Variants in CATSPERD observed in about 807,000 individuals in gnomAD.
CATSPERD encodes the protein catsper channel auxiliary subunit delta.
Under a neutral mutation model 98.1 loss-of-function variants are expected in CATSPERD, and 86 were observed. The ratio of observed to expected loss-of-function variants is 0.88; its 90% CI spans 0.74 to 1.05. The LOEUF (loss-of-function observed/expected upper bound fraction) is 1.05. CATSPERD is among the 50% of genes least tolerant of loss of function. CATSPERD has a pLI of 0.00. For synonymous variants in CATSPERD, 394 were observed against 390.2 expected, an observed-to-expected ratio of 1.01 and a Z score of -0.12; for missense variants, 995 against 1,005.7, an observed-to-expected ratio of 0.99 and a Z score of 0.14.
intron 8 of CATSPERD, among the ~76,000 whole-genome samples, chr19:5,745,173 CCT>C (rs2056070137): frequency 6.6e-6 from 1 of 151,796 alleles, no homozygotes; most frequent in East Asian, 2.0e-4. Flanking sequence ...AAACTCCTGA[CCT>C]CAAGTAACCC....
chr19:5,734,362 A>C (rs1187310560), intron 5 of CATSPERD, among the ~76,000 whole-genome samples: 2 of 150,264 alleles, frequency 1.3e-5, no homozygotes, highest in Admixed American at 1.3e-4. Context: ...AATTAGGCTG[A>C]GTGCCGTGGC....
At position 5,724,204 on chromosome 19, in the gene CATSPERD, G is replaced by T. The variant is rs181741724; in HGVS notation, c.72-604G>T. On this transcript the variant is annotated intron_variant, in intron 1 of 21. Coordinates refer to ENST00000381624, the MANE Select transcript of CATSPERD (RefSeq NM_152784.4). ...ACCTCCCAAAGCGCTGGGATTACAG[G>T]TGTGAGCCACCGCACCTGGCTCTAA... is the stretch of plus-strand genomic sequence containing the variant. Among the ~76,000 whole-genome samples, 155 of 152,050 alleles carry T rather than the reference G, an allele frequency of 1.0e-3. 4 individuals are homozygous for T. In the South Asian group the frequency reaches 0.022, roughly 22 times the overall value.
chr19:5,736,459 G>A (rs1372186086), intron 5 of CATSPERD, among the ~76,000 whole-genome samples: 2 of 152,078 alleles, frequency 1.3e-5, no homozygotes, highest in African/African-American at 4.8e-5. Flanking sequence ...GCTCATGCCT[G>A]TAATCCCAGC....
At chr19:5,724,707 A>T in intron 1 of CATSPERD, 101 bp from the exon 2 acceptor site, 2 of 1,236,788 alleles carry the variant, frequency 1.6e-6, no homozygotes, top group Non-Finnish European at 2.4e-6. Flanking sequence ...CCCCCCAAAA[A>T]AGAACAGATA....
At chr19:5,742,278 A>G (rs1244754964) in intron 7 of CATSPERD, among the ~76,000 whole-genome samples, 13 of 133,654 alleles carry the variant, frequency 9.7e-5, no homozygotes, top group South Asian at 2.5e-4. Context: ...GCATGTGTGT[A>G]CGTGTGTGTG....
chr19:5,762,058 ATTTTTTT>A lies in CATSPERD; in HGVS notation c.1428-1140_1428-1134del, dbSNP rs869295948. Among the ~76,000 whole-genome samples the A allele has an allele frequency of 2.9e-4, 3 of 10,434 alleles. 1 individual carries two copies. The highest frequency in any genetic ancestry group is 0.016 in the South Asian group (2 of 128). 6.8% of individuals were successfully genotyped at this position (10,434 alleles called of 152,430 possible). A position where few individuals can be genotyped will look rare whatever the true frequency, so the allele number is the denominator to read the frequency against. Reference sequence around the variant, plus strand: ...TGGCCTGCCATATATATATATATATATTTTTTTTTTTTTTTTTTTTTTTGAGACACAG... The same window carrying A: ...TGGCCTGCCATATATATATATATATATTTTTTTTTTTTTTTTGAGACACAG... On this transcript the variant is annotated intron_variant, in intron 15 of 21. Transcript: ENST00000381624.
intron 17 of CATSPERD, among the ~76,000 whole-genome samples, chr19:5,767,944 G>T (rs183773186): frequency 6.6e-6 from 1 of 151,968 alleles, no homozygotes; most frequent in Admixed American, 6.6e-5. Flanking sequence ...TTAGAGGCGC[G>T]TGATGCCACG....
At chr19:5,737,450 C>A (rs1444614312) in intron 6 of CATSPERD, among the ~76,000 whole-genome samples, 1 of 149,188 alleles carries the variant, frequency 6.7e-6, no homozygotes, top group African/African-American at 2.5e-5. Context: ...TAGTCCCAGC[C>A]ACAGCAGGAG....
chr19:5,746,370 C>T (rs2056093822), intron 9 of CATSPERD, among the ~76,000 whole-genome samples: 1 of 152,132 alleles, frequency 6.6e-6, no homozygotes, highest in African/African-American at 2.4e-5. Flanking sequence ...GGAAAAACGC[C>T]AGTCAGACAA....
chr19:5,721,471 T>C (rs1281736696), intron 1 of CATSPERD, among the ~76,000 whole-genome samples: 5 of 152,070 alleles, frequency 3.3e-5, no homozygotes, highest in African/African-American at 9.7e-5. Flanking sequence ...GAAATTTCAG[T>C]AAATGTTAGG....
intron 12 of CATSPERD, among the ~76,000 whole-genome samples, chr19:5,753,293 G>T (rs1253910895): frequency 6.6e-6 from 1 of 151,990 alleles, no homozygotes; most frequent in Non-Finnish European, 1.5e-5. Context: ...GGGCGCGGTG[G>T]CTCACGCCTG....
chr19:5,733,892 G>A lies in CATSPERD; in HGVS notation c.313G>A (p.Gly105Ser), dbSNP rs1408382585. Residue 105 changes from glycine (G) to serine (S), a missense_variant, in exon 5 of 22, where the codon GGT (glycine) becomes AGT (serine). Coordinates refer to ENST00000381624, the MANE Select transcript of CATSPERD (RefSeq NM_152784.4). ...AGAAGTGACATCAGCACATTTTGCT[G>A]GTTCGTTATTGCTGTTAGTAGTGGA... Reference protein sequence around the residue: ...VPEVTSAHFAGSLLLLVVDQK... With the variant: ...VPEVTSAHFASSLLLLVVDQK... 6.2e-7 allele frequency: 1 copy of A among 1,612,806 alleles called. No homozygotes were observed. The highest frequency in any genetic ancestry group is 1.1e-5 in the South Asian group (1 of 90,752).
At chr19:5,775,499 A>G (rs62107456) in intron 20 of CATSPERD, among the ~76,000 whole-genome samples, 15 of 138,982 alleles carry the variant, frequency 1.1e-4, no homozygotes, top group African/African-American at 3.9e-4. Context: ...AAAAAAAAAA[A>G]TTTGCTGGCC....
chr19:5,732,493 C>T (rs140893693), intron 4 of CATSPERD, among the ~76,000 whole-genome samples: 3,995 of 150,924 alleles, frequency 0.026, 89 homozygotes, highest in Non-Finnish European at 0.037. Flanking sequence ...AGTGCAGTGG[C>T]GTGATCTCAG....
intron 13 of CATSPERD, 84 bp from the exon 14 acceptor site, chr19:5,757,754 TGAAGG>T: frequency 1.1e-6 from 1 of 932,180 alleles, no homozygotes; most frequent in Admixed American, 2.2e-5. Context: ...ATTTTTCATT[TGAAGG>T]TGTGCTGGGC....
chr19:5,762,058 A>ATATATATAT, intron 15 of CATSPERD, among the ~76,000 whole-genome samples: 3 of 10,432 alleles, frequency 2.9e-4, no homozygotes, highest in African/African-American at 9.8e-4. Flanking sequence ...ATATATATAT[A>ATATATATAT]TTTTTTTTTT....
At chr19:5,732,412 A>G (rs1239697105) in intron 4 of CATSPERD, among the ~76,000 whole-genome samples, 1 of 151,822 alleles carries the variant, frequency 6.6e-6, no homozygotes, top group Non-Finnish European at 1.5e-5. Context: ...TATTGCTGGC[A>G]TACATGGTGT....
At chr19:5,729,846 T>C in intron 3 of CATSPERD, 26 bp from the exon 4 acceptor site, 1 of 1,383,042 alleles carries the variant, frequency 7.2e-7, no homozygotes, top group Non-Finnish European at 1.0e-6. Flanking sequence ...ATTATCCTAA[T>C]TTAACTTATT....
chr19:5,755,352 A>G (rs1300883707), intron 13 of CATSPERD, among the ~76,000 whole-genome samples: 2 of 152,178 alleles, frequency 1.3e-5, no homozygotes, highest in African/African-American at 4.8e-5. Flanking sequence ...CAGACTATTG[A>G]GTATTATACT....
Sources: allele counts gnomAD v4.1 joint callset (sites outside exome capture counted in the v4.1 genomes callset), GRCh38; gene constraint gnomAD v4.1.1; transcripts MANE v1.5; gene names NCBI Gene and HGNC (gene_info 2026-07-23, HGNC 2026-07-21).